The following SDSL variants were observed in gnomAD, a reference collection of about 807,000 sequenced individuals.
The protein encoded by SDSL is serine dehydratase like.
SDSL carries 26 observed loss-of-function variants against 27.6 expected under a neutral mutation model. The ratio of observed to expected loss-of-function variants is 0.94; its 90% CI spans 0.69 to 1.31. SDSL has a LOEUF of 1.31. SDSL is among the 50% of genes most tolerant of loss of function. The probability of loss-of-function intolerance (pLI) is 0.00; values close to 1 mark genes in which losing one functional copy is unlikely to be tolerated. For missense variants in SDSL, 431 were observed against 423.5 expected (o/e 1.02, Z -0.16); for synonymous variants, 196 against 180.6 (o/e 1.09, Z -0.69).
At chr12:113,429,019 C>T in intron 3 of SDSL, 141 bp from the exon 4 acceptor site, 1 of 956,018 alleles carries the variant, frequency 1.0e-6, no homozygotes, top group East Asian at 2.7e-5. Context: ...ATTATGTGTC[C>T]CCCTCTTGAG....
At position 113,427,965 on chromosome 12, in the gene SDSL, G is replaced by A; in HGVS notation, c.-18G>A. ...GTGACTTTGTGTCCTCCTGCAGGCT[G>A]TCTACCTGGTCTCCAGAATGGACGG... On this transcript the variant is annotated 5_prime_UTR_variant, in exon 2 of 8. Coordinates refer to ENST00000403593, the MANE Select transcript of SDSL (RefSeq NM_001304993.2). 6.2e-7 allele frequency: 1 copy of A among 1,602,806 alleles called. No homozygotes were observed. Among genetic ancestry groups the A allele is most frequent in the South Asian group, 1.1e-5 (1 of 89,354 alleles).
chr12:113,433,774 T>C (rs1387676648), intron 4 of SDSL, among the ~76,000 whole-genome samples: 3 of 152,196 alleles, frequency 2.0e-5, no homozygotes, highest in African/African-American at 7.2e-5. Flanking sequence ...CAAGTTGCTA[T>C]CTGGTGTTTG....
At chr12:113,434,852 C>T (rs939860768) in intron 5 of SDSL, among the ~76,000 whole-genome samples, 9 of 152,172 alleles carry the variant, frequency 5.9e-5, no homozygotes, top group Admixed American at 3.3e-4. Flanking sequence ...CGGTGGCTCA[C>T]GCCTGTAATC....
At chr12:113,432,338 GTCTCTC>G (rs1442456582) in intron 4 of SDSL, among the ~76,000 whole-genome samples, 2 of 137,830 alleles carry the variant, frequency 1.5e-5, no homozygotes, top group African/African-American at 5.4e-5. Flanking sequence ...CTCTGTCTCT[GTCTCTC>G]TCTTTCTTTC....
At chr12:113,428,238 T>C in intron 2 of SDSL, 82 bp downstream of exon 2, 1 of 1,434,232 alleles carries the variant, frequency 7.0e-7, no homozygotes, top group Non-Finnish European at 9.6e-7. Context: ...GGGGACGGGT[T>C]CGGGCAGGAG....
At position 113,433,561 on chromosome 12, in the gene SDSL, A is replaced by G. The variant is rs1957958461; in HGVS notation, c.355-573A>G. On this transcript the variant is annotated intron_variant, in intron 4 of 7. Coordinates refer to ENST00000403593, the MANE Select transcript of SDSL (RefSeq NM_001304993.2). ...TCAGGGAAGGGAAGAAAGCCTGTCA[A>G]TGGTGTGTGAATGAGCAGGGGACCT... Among the ~76,000 whole-genome samples the G allele has an allele frequency of 3.3e-5, 5 of 152,184 alleles. No homozygotes were observed. The South Asian group carries it at 1.0e-3, about 32-fold the overall frequency.
intron 6 of SDSL, among the ~76,000 whole-genome samples, chr12:113,436,334 G>C (rs1168644571): frequency 6.6e-6 from 1 of 151,568 alleles, no homozygotes; most frequent in African/African-American, 2.4e-5. Flanking sequence ...TGTTTCCCAG[G>C]CTAGAGTGCA....
At chr12:113,428,397 A>G (rs769761472) in intron 2 of SDSL, 23 bp from the exon 3 acceptor site, 2 of 1,608,926 alleles carry the variant, frequency 1.2e-6, no homozygotes, top group South Asian at 2.2e-5. Context: ...GTTAGCCGCT[A>G]ACCCCATTCC....
chr12:113,425,522 C>T, intron 1 of SDSL: 1 of 377,860 alleles, frequency 2.6e-6, no homozygotes, highest in Non-Finnish European at 5.2e-6. Context: ...AGCGCCCCCC[C>T]TAGCGGCCAA....
At chr12:113,428,293 G>C in intron 2 of SDSL, 127 bp from the exon 3 acceptor site, 1 of 1,308,446 alleles carries the variant, frequency 7.6e-7, no homozygotes, top group Non-Finnish European at 1.1e-6. Context: ...GGTAAGGGCA[G>C]GGCTGTGGGC....
Position 113,435,334 on chromosome 12 carries a change from G to T in SDSL, c.449G>T (p.Gly150Val), listed in dbSNP as rs879943780. 1.3e-6 allele frequency: 2 copies of T among 1,517,180 alleles called. No individual in the cohort carries two copies. Among genetic ancestry groups the T allele is most frequent in the South Asian group, 1.3e-5 (1 of 77,736 alleles). 94.0% of individuals were successfully genotyped at this position (1,517,180 alleles called of 1,614,324 possible). Reference protein sequence around the residue: ...PPFDHPLIWKGHASLVQELKA... With the variant: ...PPFDHPLIWKVHASLVQELKA... ...CTCTCACCCCCCCTCCCCAGGAAAGGCCACGCCAGCCTGGTGCAGGAGCTG... is the reference window on the plus strand; with the variant it reads ...CTCTCACCCCCCCTCCCCAGGAAAGTCCACGCCAGCCTGGTGCAGGAGCTG... Residue 150 changes from glycine to valine, a missense_variant, in exon 6 of 8, where the codon GGC becomes GTC. Coordinates refer to ENST00000403593, the MANE Select transcript of SDSL (RefSeq NM_001304993.2).
chr12:113,430,909 A>T (rs2136954427), intron 4 of SDSL, among the ~76,000 whole-genome samples: 1 of 152,330 alleles, frequency 6.6e-6, no homozygotes, highest in South Asian at 2.1e-4. Context: ...CTCTAAAAAT[A>T]GTAACTATTA....
chr12:113,437,851 C>T (rs768240836), intron 7 of SDSL, 35 bp from the exon 8 acceptor site: 7 of 1,550,630 alleles, frequency 4.5e-6, no homozygotes, highest in Non-Finnish European at 6.1e-6. Context: ...TTCTTCTTCC[C>T]TTTCCTTCCT....
At chr12:113,425,702 C>T in intron 1 of SDSL, 1 of 455,964 alleles carries the variant, frequency 2.2e-6, no homozygotes, top group South Asian at 1.5e-5. Flanking sequence ...GGCTTCAAAC[C>T]TCTCAAAGGG....
chr12:113,438,149 TCAGTGCTGGCAGATGG>T lies in SDSL; in HGVS notation c.*76_*91del. The T allele has an allele frequency of 2.2e-6, 3 of 1,370,794 alleles. No individual in the cohort carries two copies. Among genetic ancestry groups the T allele is most frequent in the Non-Finnish European group, 3.0e-6 (3 of 997,788 alleles). 84.9% of individuals were successfully genotyped at this position (1,370,794 alleles called of 1,614,324 possible). A position where few individuals can be genotyped will look rare whatever the true frequency, so the allele number is the denominator to read the frequency against. On this transcript the variant is annotated 3_prime_UTR_variant, in exon 8 of 8. Coordinates refer to ENST00000403593, the MANE Select transcript of SDSL (RefSeq NM_001304993.2). ...AGTCCTGTGTCTGGATGAGGAGGAC[TCAGTGCTGGCAGATGG>T]CAGTGGAAGCTGCCCTGTGCAACTG...
intron 5 of SDSL, 54 bp downstream of exon 5, chr12:113,434,276 G>A: frequency 7.3e-6 from 10 of 1,363,366 alleles, no homozygotes; most frequent in South Asian, 1.4e-5. Flanking sequence ...CCTTCACTGA[G>A]TCAGGGTCCT....
chr12:113,434,890 G>A (rs1310823159), intron 5 of SDSL, among the ~76,000 whole-genome samples: 1 of 152,186 alleles, frequency 6.6e-6, no homozygotes, highest in Non-Finnish European at 1.5e-5. Context: ...CGAGGCGGGT[G>A]GATCACCTGA....
Position 113,428,004 on chromosome 12 carries a change from C to T in SDSL, c.22C>T (p.His8Tyr), listed in dbSNP as rs748555581. The change falls in exon 2 of 8, where the codon CAT (histidine) becomes TAT (tyrosine). Residue 8 changes from histidine to tyrosine, a missense_variant. Transcript: ENST00000403593. The part of the protein sequence containing the change: MDGPVAE[H>Y]AKQEPFHVVT... ...CAGAATGGACGGCCCTGTGGCAGAG[C>T]ATGCCAAGCAGGAGCCCTTTCACGT... is the stretch of plus-strand genomic sequence containing the variant. 8 of 1,612,826 alleles carry T rather than the reference C, an allele frequency of 5.0e-6. No homozygotes were observed. The highest frequency in any genetic ancestry group is 6.8e-6 in the Non-Finnish European group (8 of 1,179,526).
chr12:113,423,967 T>C (rs1050676938), intron 1 of SDSL, among the ~76,000 whole-genome samples: 5 of 152,180 alleles, frequency 3.3e-5, no homozygotes, highest in Admixed American at 6.5e-5. Context: ...CAGTTTGTTG[T>C]GTGGTTGGTT....
Sources: allele counts gnomAD v4.1 joint callset (sites outside exome capture counted in the v4.1 genomes callset), GRCh38; gene constraint gnomAD v4.1.1; transcripts MANE v1.5; gene names NCBI Gene and HGNC (gene_info 2026-07-23, HGNC 2026-07-21).